The following GSTCD variants were observed in gnomAD, a reference collection of about 807,000 sequenced individuals.
The protein encoded by GSTCD is glutathione S-transferase C-terminal domain containing.
GSTCD carries 44 observed loss-of-function variants against 68.3 expected under a neutral mutation model. The observed-to-expected ratio is 0.64, with a 90% confidence interval of 0.51 to 0.83. GSTCD has a LOEUF of 0.83. Among genes scored for constraint, GSTCD ranks in the 40% least tolerant of loss-of-function variants. GSTCD has a pLI of 0.00. For missense variants in GSTCD, 739 were observed against 735.9 expected (o/e 1.00, Z -0.05); for synonymous variants, 273 against 255.2 (o/e 1.07, Z -0.67).
At chr4:105,757,484 C>T (rs956361423) in intron 5 of GSTCD, among the ~76,000 whole-genome samples, 4 of 152,134 alleles carry the variant, frequency 2.6e-5, no homozygotes, top group Admixed American at 2.6e-4. Flanking sequence ...AAACTCTGTT[C>T]ACATTCTGGA....
rs537591015 is a variant in GSTCD at position 105,774,571 on chromosome 4, G to T, written c.1240+45072G>T. ...GTGGTGACAAAATCCCTCAGCATTT[G>T]CTTGTCTATAAAGGATTTTATTTCT... On this transcript the variant is annotated intron_variant, in intron 5 of 11. Coordinates refer to ENST00000515279, the MANE Select transcript of GSTCD (RefSeq NM_001370181.1). 4.6e-5 allele frequency among the ~76,000 whole-genome samples: 7 copies of T among 152,248 alleles called. 2 individuals are homozygous for T. Among genetic ancestry groups the T allele is most frequent in the African/African-American group, 1.7e-4 (7 of 41,552 alleles).
At chr4:105,794,984 C>T (rs1010820460) in intron 5 of GSTCD, among the ~76,000 whole-genome samples, 4 of 151,728 alleles carry the variant, frequency 2.6e-5, no homozygotes, top group Non-Finnish European at 4.4e-5. Context: ...AAGTGATTTT[C>T]CTGCCTCAGC....
At chr4:105,736,620 T>G (rs923283533) in intron 5 of GSTCD, among the ~76,000 whole-genome samples, 1 of 152,138 alleles carries the variant, frequency 6.6e-6, no homozygotes, top group Non-Finnish European at 1.5e-5. Context: ...AGTCAAAATC[T>G]GCTCTTCCAG....
intron 5 of GSTCD, among the ~76,000 whole-genome samples, chr4:105,735,998 G>T (rs902871369): frequency 3.3e-5 from 5 of 151,800 alleles, no homozygotes; most frequent in African/African-American, 1.2e-4. Flanking sequence ...TTCTCCGATT[G>T]TTTAAAATGT....
At chr4:105,806,662 A>G (rs2149264558) in intron 5 of GSTCD, among the ~76,000 whole-genome samples, 1 of 152,218 alleles carries the variant, frequency 6.6e-6, no homozygotes, top group East Asian at 1.9e-4. Flanking sequence ...TTCCAAGTCA[A>G]CTTAGTGTAT....
At chr4:105,757,279 A>T (rs776592487) in intron 5 of GSTCD, among the ~76,000 whole-genome samples, 15 of 152,218 alleles carry the variant, frequency 9.9e-5, no homozygotes, top group Non-Finnish European at 1.8e-4. Context: ...TAAAAGGAGC[A>T]TATAAAACTT....
chr4:105,713,668 G>T (rs1732602814), intron 1 of GSTCD, among the ~76,000 whole-genome samples: 1 of 152,040 alleles, frequency 6.6e-6, no homozygotes, highest in African/African-American at 2.4e-5. Context: ...CACATAGTAG[G>T]TGGACAATAA....
chr4:105,709,989 G>A (rs1272686989), intron 1 of GSTCD, among the ~76,000 whole-genome samples: 3 of 149,100 alleles, frequency 2.0e-5, no homozygotes, highest in Admixed American at 6.7e-5. Flanking sequence ...TTTTTTAACT[G>A]CCTGATGGGG....
chr4:105,756,038 G>A (rs1266713291), intron 5 of GSTCD, among the ~76,000 whole-genome samples: 2 of 152,138 alleles, frequency 1.3e-5, no homozygotes, highest in African/African-American at 4.8e-5. Context: ...GGAAACACTT[G>A]AATTACATTT....
chr4:105,828,065 T>C (rs953735086), intron 8 of GSTCD, among the ~76,000 whole-genome samples: 10 of 152,160 alleles, frequency 6.6e-5, no homozygotes, highest in African/African-American at 2.4e-4. Context: ...ACATGTTTAG[T>C]TGGAAAATTT....
At chr4:105,736,659 C>T (rs957742126) in intron 5 of GSTCD, among the ~76,000 whole-genome samples, 2 of 152,118 alleles carry the variant, frequency 1.3e-5, no homozygotes, top group Non-Finnish European at 2.9e-5. Context: ...ATTATAATCA[C>T]CAAACAGTGC....
At chr4:105,719,568 A>G (rs776861060) in intron 3 of GSTCD, 41 bp downstream of exon 3, 1 of 1,431,596 alleles carries the variant, frequency 7.0e-7, no homozygotes, top group African/African-American at 1.4e-5. Flanking sequence ...TATGAGTTTC[A>G]GTCTATGAAA....
chr4:105,822,128 G>C (rs114357639), intron 5 of GSTCD, among the ~76,000 whole-genome samples: 1 of 152,100 alleles, frequency 6.6e-6, no homozygotes, highest in African/African-American at 2.4e-5. Context: ...TGTAAAGAAT[G>C]CACTTGAAAT....
chr4:105,807,274 G>A (rs1301798832), intron 5 of GSTCD: 1 of 151,838 alleles, frequency 6.6e-6, no homozygotes, highest in East Asian at 1.9e-4. Context: ...ATACTTCAAC[G>A]TGTGTCTCCT....
At chr4:105,777,429 T>A (rs904113002) in intron 5 of GSTCD, among the ~76,000 whole-genome samples, 3 of 152,248 alleles carry the variant, frequency 2.0e-5, no homozygotes, top group Non-Finnish European at 4.4e-5. Flanking sequence ...CAATCTGGAA[T>A]GACTTTCCTC....
chr4:105,793,302 T>G (rs1032554623), intron 5 of GSTCD, among the ~76,000 whole-genome samples: 7 of 152,010 alleles, frequency 4.6e-5, no homozygotes, highest in Non-Finnish European at 1.0e-4. Context: ...AAGGTTTTCT[T>G]GTATTCTGTT....
intron 5 of GSTCD, among the ~76,000 whole-genome samples, chr4:105,784,441 T>C (rs1008121123): frequency 6.6e-6 from 1 of 152,202 alleles, no homozygotes; most frequent in African/African-American, 2.4e-5. Flanking sequence ...CATTAACCCA[T>C]TCATGAGGGC....
At chr4:105,753,178 T>C (rs1467116073) in intron 5 of GSTCD, 2 of 152,096 alleles carry the variant, frequency 1.3e-5, no homozygotes, top group Non-Finnish European at 2.9e-5. Flanking sequence ...CATGAAAATT[T>C]GTAAATATTT....
At chr4:105,741,802 T>C (rs1733639816) in intron 5 of GSTCD, among the ~76,000 whole-genome samples, 1 of 152,206 alleles carries the variant, frequency 6.6e-6, no homozygotes, top group Middle Eastern at 3.2e-3. Flanking sequence ...ACAGCAGGGC[T>C]ACAGGGTATA....
Sources: allele counts gnomAD v4.1 joint callset (sites outside exome capture counted in the v4.1 genomes callset), GRCh38; gene constraint gnomAD v4.1.1; transcripts MANE v1.5; gene names NCBI Gene and HGNC (gene_info 2026-07-23, HGNC 2026-07-21).